The following TEX9 variants were observed in gnomAD, a reference collection of about 807,000 sequenced individuals.
TEX9 encodes testis expressed 9.
TEX9 carries 74 observed loss-of-function variants against 59.6 expected under a neutral mutation model. The ratio of observed to expected loss-of-function variants is 1.24; its 90% CI spans 1.03 to 1.51. The LOEUF (loss-of-function observed/expected upper bound fraction) is 1.51. TEX9 is among the 40% of genes most tolerant of loss of function. The pLI is 0.00. For missense variants in TEX9, 522 were observed against 447.8 expected, an observed-to-expected ratio of 1.17 and a Z score of -1.49; for synonymous variants, 186 against 152.2, an observed-to-expected ratio of 1.22 and a Z score of -1.64.
At chr15:56,399,108 T>C (rs910788554) in intron 9 of TEX9, among the ~76,000 whole-genome samples, 4 of 152,156 alleles carry the variant, frequency 2.6e-5, no homozygotes, top group African/African-American at 9.7e-5. Context: ...TGGGACTGAT[T>C]GGACAGTGGG....
chr15:56,365,520 C>T (rs1171233362), intron 1 of TEX9, 43 bp downstream of exon 1: 1 of 1,614,178 alleles, frequency 6.2e-7, no homozygotes, highest in South Asian at 1.1e-5. Context: ...TGGGTTCCGG[C>T]GACTAGGACG....
intron 9 of TEX9, chr15:56,395,524 A>C (rs537269278): frequency 6.6e-6 from 1 of 152,084 alleles, no homozygotes; most frequent in Non-Finnish European, 1.5e-5. Flanking sequence ...TGGAAATCCT[A>C]TGTTGACCTT....
At chr15:56,313,454 T>C (rs867342460) in intron 1 of TEX9, among the ~76,000 whole-genome samples, 2 of 146,462 alleles carry the variant, frequency 1.4e-5, no homozygotes, top group Non-Finnish European at 3.0e-5. Context: ...ATTACATTTA[T>C]TGATTTGCGT....
At chr15:56,251,709 G>A (rs1256164512) in intron 1 of TEX9, among the ~76,000 whole-genome samples, 9 of 152,146 alleles carry the variant, frequency 5.9e-5, no homozygotes, top group African/African-American at 2.2e-4. Context: ...TAATGGCTTA[G>A]TGTTGATAGG....
chr15:56,344,308 A>G (rs1236014499), intron 1 of TEX9, among the ~76,000 whole-genome samples: 1 of 152,246 alleles, frequency 6.6e-6, no homozygotes, highest in African/African-American at 2.4e-5. Flanking sequence ...CATGTGATAT[A>G]TCTATATAAT....
At chr15:56,273,547 A>G (rs1290165870) in intron 1 of TEX9, among the ~76,000 whole-genome samples, 1 of 152,236 alleles carries the variant, frequency 6.6e-6, no homozygotes, top group African/African-American at 2.4e-5. Flanking sequence ...AGCAATTAAA[A>G]TAAGGAAAAA....
At chr15:56,401,289 C>G (rs1166303469) in intron 9 of TEX9, among the ~76,000 whole-genome samples, 1 of 115,740 alleles carries the variant, frequency 8.6e-6, no homozygotes, top group Non-Finnish European at 1.7e-5. Flanking sequence ...GGAGGAAGAC[C>G]TACCAAGCAA....
rs1365674893 is a variant in TEX9, at chr15:56,426,602, TATATATATATATATATATATATATAC to T, written c.964-1001_964-976del. 4.5e-4 allele frequency among the ~76,000 whole-genome samples: 12 copies of T among 26,508 alleles called. 1 individual carries two copies. Among genetic ancestry groups the T allele is most frequent in the African/African-American group, 7.6e-4 (3 of 3,966 alleles). 17.4% of individuals were successfully genotyped at this position (26,508 alleles called of 152,430 possible). A position where few individuals can be genotyped will look rare whatever the true frequency, so the allele number is the denominator to read the frequency against. Reference sequence around the variant, plus strand: ...TTTTGAAAAGGTGTATATATATATATATATATATATATATATATATATATACACACACACAAACACACACACACACA... The same window carrying T: ...TTTTGAAAAGGTGTATATATATATATACACACACAAACACACACACACACA... On this transcript the variant is annotated intron_variant, in intron 10 of 12. Transcript: ENST00000352903.
chr15:56,443,362 C>A (rs2050851242), intron 12 of TEX9: 10 of 1,189,554 alleles, frequency 8.4e-6, no homozygotes, highest in South Asian at 1.7e-5. Context: ...TGTACTATCT[C>A]TTTTCTGCTT....
At chr15:56,443,544 A>C in intron 12 of TEX9, 2 of 1,577,920 alleles carry the variant, frequency 1.3e-6, no homozygotes, top group Middle Eastern at 1.8e-4. Flanking sequence ...TCAACTATTA[A>C]ATTTTTTAAA....
rs770797780 is a variant in TEX9, at chr15:56,428,390, G to GCTAT, written c.1125_1128dup (p.Phe377IlefsTer4). On this transcript the variant is annotated frameshift_variant, in exon 12 of 13. Transcript: ENST00000352903. LOFTEE classifies it high-confidence loss of function. ...AGATGCATATTGAAGCTGCCAAGAT[G>GCTAT]CTATCTTTCACTGAGGAGGAATTTA... is the stretch of plus-strand genomic sequence containing the variant. The GCTAT allele has an allele frequency of 1.8e-4, 288 of 1,611,876 alleles. No individual in the cohort carries two copies. Among genetic ancestry groups the GCTAT allele is most frequent in the Non-Finnish European group, 2.3e-4 (268 of 1,178,766 alleles).
At chr15:56,417,417 C>G (rs1202152274) in intron 10 of TEX9, among the ~76,000 whole-genome samples, 1 of 151,522 alleles carries the variant, frequency 6.6e-6, no homozygotes, top group African/African-American at 2.4e-5. Flanking sequence ...TTATTTTCAA[C>G]TTTTTTATTT....
intron 1 of TEX9, chr15:56,323,279 GA>G: frequency 4.6e-6 from 1 of 215,766 alleles, no homozygotes. Context: ...CTGCCAAAGA[GA>G]AAGGAAAATT....
exon 9 of TEX9, chr15:56,394,831 A>C: frequency 6.2e-7 from 1 of 1,604,558 alleles, no homozygotes; most frequent in Non-Finnish European, 8.5e-7. Flanking sequence ...CTTCAGTAGA[A>C]AGGGTAATTA....
At chr15:56,331,048 G>T (rs79020957) in intron 1 of TEX9, among the ~76,000 whole-genome samples, 1 of 152,106 alleles carries the variant, frequency 6.6e-6, no homozygotes, top group Admixed American at 6.6e-5. Flanking sequence ...GACAAAAAGA[G>T]AGACAAAGAA....
chr15:56,389,478 C>T, intron 6 of TEX9, 78 bp downstream of exon 6: 1 of 1,089,076 alleles, frequency 9.2e-7, no homozygotes, highest in Non-Finnish European at 1.3e-6. Context: ...TTATTAAGCT[C>T]TGTTTGTTTT....
chr15:56,386,023 A>C (rs1286994855), intron 4 of TEX9, among the ~76,000 whole-genome samples: 3 of 152,134 alleles, frequency 2.0e-5, no homozygotes, highest in Non-Finnish European at 4.4e-5. Flanking sequence ...TTTATTCATA[A>C]TTACCAAAAC....
intron 9 of TEX9, among the ~76,000 whole-genome samples, chr15:56,402,206 A>G (rs1372531974): frequency 6.6e-6 from 1 of 152,094 alleles, no homozygotes; most frequent in Admixed American, 6.6e-5. Flanking sequence ...GGCTTTTTGA[A>G]TTTTGTCTAT....
chr15:56,442,173 C>G lies in TEX9; in HGVS notation c.*30-3498C>G, dbSNP rs190991195. On this transcript the variant is annotated intron_variant, in intron 12 of 12. Coordinates refer to ENST00000352903, the Ensembl canonical transcript of TEX9. ...ATCATTAGAGAAATGCAAACCAAAA[C>G]CACAATGAGATACTATCTCACATCA... 2.0e-5 allele frequency among the ~76,000 whole-genome samples: 3 copies of G among 152,016 alleles called. No homozygotes were observed. In the East Asian group the frequency reaches 5.8e-4, roughly 29 times the overall value.
Sources: gnomAD v4.1 joint callset for allele counts (sites outside exome capture counted in the v4.1 genomes callset) on GRCh38, gnomAD v4.1.1 for gene constraint, MANE v1.5 for transcripts, NCBI Gene and HGNC (gene_info 2026-07-23, HGNC 2026-07-21) for gene names.